SHROOM2: variants seen among roughly 807,000 people sequenced by gnomAD.
SHROOM2 encodes the protein shroom family member 2.
Under a neutral mutation model 75.9 loss-of-function variants are expected in SHROOM2, and 33 were observed. The observed-to-expected ratio is 0.43, with a 90% CI of 0.33 to 0.58. The LOEUF (loss-of-function observed/expected upper bound fraction) is 0.58, where lower values mean the gene tolerates loss of function less well. SHROOM2 is among the 20% of genes least tolerant of loss of function. The pLI, the probability that SHROOM2 is intolerant of heterozygous loss-of-function variation, is 0.04. For synonymous variants in SHROOM2, 655 were observed against 663.6 expected, an observed-to-expected ratio of 0.99 and a Z score of 0.20; for missense variants, 1,434 against 1,461.2, an observed-to-expected ratio of 0.98 and a Z score of 0.30.
At chrX:9,820,183 T>C (rs1330664402) in intron 1 of SHROOM2, among the ~76,000 whole-genome samples, 1 of 106,345 alleles carries the variant, frequency 9.4e-6, no homozygotes, top group African/African-American at 3.4e-5. Context: ...ATTTTTTTTT[T>C]TTTTGTAAAT....
intron 1 of SHROOM2, among the ~76,000 whole-genome samples, chrX:9,808,901 G>C (rs762986025): frequency 9.0e-6 from 1 of 110,705 alleles, no homozygotes; most frequent in Non-Finnish European, 1.9e-5. Context: ...TAATTCACAT[G>C]TCACAAAATT....
At chrX:9,831,552 G>T (rs1251229080) in intron 1 of SHROOM2, among the ~76,000 whole-genome samples, 1 of 112,347 alleles carries the variant, frequency 8.9e-6, no homozygotes, top group Admixed American at 9.4e-5. Context: ...CAGCTACTTG[G>T]GAGGCTGAGG....
rs1329898643 is a variant in SHROOM2 at position 9,786,456 on chromosome X, T to A, written c.-90T>A. On this transcript the variant is annotated 5_prime_UTR_variant, in exon 1 of 10. Transcript: ENST00000380913. Reference sequence around the variant, plus strand: ...TTTCTTTCCAAGTTACGGCGCAAGTTCTGCGGCGCTCGGAGCCTCCCTTGC... The same window carrying A: ...TTTCTTTCCAAGTTACGGCGCAAGTACTGCGGCGCTCGGAGCCTCCCTTGC... 6 of 705,788 alleles carry A rather than the reference T, an allele frequency of 8.5e-6. No individual in the cohort carries two copies. In the South Asian group the frequency reaches 4.4e-4, roughly 51 times the overall value. The allele number at this position is 705,788 out of a possible 1,213,427, so 58.2% of individuals were successfully genotyped here.
At position 9,894,726 on chromosome X, in the gene SHROOM2, C is replaced by T. The variant is rs1167778291; in HGVS notation, c.818C>T (p.Pro273Leu). Residue 273 changes from proline to leucine, a missense_variant, in exon 4 of 10, where the codon CCC becomes CTC. Around this residue, in one of 3 missense-constraint regions of SHROOM2, gnomAD observed 1,340 missense variants for 1,338.3 expected, o/e 1.00. Transcript: ENST00000380913. ...EKLSCFPPRV[P>L]GDSGKGPRPE... The stretch of plus-strand genomic sequence containing the variant: ...CTCAGTTGTTTCCCGCCCAGGGTCC[C>T]CGGTGACAGCGGCAAAGGCCCCAGG... 1 of 1,211,150 alleles carries T rather than the reference C, an allele frequency of 8.3e-7. No individual in the cohort carries two copies. The highest frequency in any genetic ancestry group is 2.3e-4 in the Middle Eastern group (1 of 4,351).
chrX:9,792,023 AT>A (rs1569132751), intron 1 of SHROOM2, among the ~76,000 whole-genome samples: 1,004 of 3,344 alleles, frequency 0.3, 87 homozygotes, highest in East Asian at 0.34. Context: ...ATAGAATAGA[AT>A]AGAATAGAAT....
intron 5 of SHROOM2, among the ~76,000 whole-genome samples, chrX:9,923,270 T>C (rs1423279992): frequency 1.8e-5 from 2 of 110,824 alleles, no homozygotes; most frequent in African/African-American, 6.6e-5. Flanking sequence ...AAGAAGCCTT[T>C]CTGGCTGGAG....
chrX:9,874,195 T>C lies in SHROOM2; in HGVS notation c.317+392T>C, dbSNP rs138191105. ...AGAAAGAGAGTGACTGTCACGAAGATGCCAGCCACCAAGGGTTTAGAGCAC... is the reference window on the plus strand; with the variant it reads ...AGAAAGAGAGTGACTGTCACGAAGACGCCAGCCACCAAGGGTTTAGAGCAC... On this transcript the variant is annotated intron_variant, in intron 2 of 9. Coordinates refer to ENST00000380913, the MANE Select transcript of SHROOM2 (RefSeq NM_001649.4). 9.8e-3 allele frequency among the ~76,000 whole-genome samples: 1,093 copies of C among 111,766 alleles called. 16 individuals carry two copies. The highest frequency in any genetic ancestry group is 0.034 in the African/African-American group (1,033 of 30,685).
At chrX:9,790,009 C>G (rs1012578426) in intron 1 of SHROOM2, among the ~76,000 whole-genome samples, 2 of 112,338 alleles carry the variant, frequency 1.8e-5, no homozygotes, top group African/African-American at 6.5e-5. Flanking sequence ...GGGCTTCAGA[C>G]TCTGAGAACA....
chrX:9,833,108 T>C (rs1269721295), intron 1 of SHROOM2, among the ~76,000 whole-genome samples: 1 of 111,190 alleles, frequency 9.0e-6, no homozygotes, highest in Non-Finnish European at 1.9e-5. Context: ...CCTGGGACTC[T>C]GTTGACTAGG....
intron 1 of SHROOM2, among the ~76,000 whole-genome samples, chrX:9,833,608 C>CTGTGTGTGTGTGTG (rs144161839): frequency 0.017 from 1,646 of 95,307 alleles, 31 homozygotes; most frequent in East Asian, 0.096. Context: ...CAAGTAGACT[C>CTGTGTGTGTGTGTG]TGTGTGTGTG....
Position 9,898,285 on chromosome X carries a change from G to A in SHROOM2, c.2886G>A (p.Thr962=), listed in dbSNP as rs751009884. The A allele has an allele frequency of 2.0e-5, 23 of 1,159,204 alleles. No individual in the cohort carries two copies. The Admixed American group carries it at 4.5e-4, about 23-fold the overall frequency. ...SAVRAEEGQS[T]PRQADAQCRE... ...TCCGGGCCGAGGAGGGACAGTCCACGCCGAGGTGGGTGAAATTTGGATTCA... is the reference window on the plus strand; with the variant it reads ...TCCGGGCCGAGGAGGGACAGTCCACACCGAGGTGGGTGAAATTTGGATTCA... Residue 962 remains threonine (T), a synonymous_variant, in exon 5 of 10, where the codon ACG becomes ACA. Transcript: ENST00000380913.
chrX:9,821,030 A>G (rs1253836381), intron 1 of SHROOM2, among the ~76,000 whole-genome samples: 4 of 112,077 alleles, frequency 3.6e-5, no homozygotes, highest in African/African-American at 9.7e-5. Flanking sequence ...TTTTCAAAGT[A>G]TGGTTCCCAG....
intron 1 of SHROOM2, among the ~76,000 whole-genome samples, chrX:9,792,034 T>G (rs1273589569): frequency 0.014 from 49 of 3,531 alleles, 6 homozygotes; most frequent in Admixed American, 0.062. Context: ...TAGAATAGAA[T>G]AGAATAGAAT....
chrX:9,837,542 G>A (rs769230231), intron 1 of SHROOM2, among the ~76,000 whole-genome samples: 2 of 112,486 alleles, frequency 1.8e-5, no homozygotes, highest in South Asian at 7.3e-4. Flanking sequence ...GCATGCGGAA[G>A]GAACATAGGG....
chrX:9,883,620 C>T (rs1192088213), intron 2 of SHROOM2, among the ~76,000 whole-genome samples: 1 of 109,985 alleles, frequency 9.1e-6, no homozygotes, highest in Non-Finnish European at 1.9e-5. Flanking sequence ...CATGGACTTC[C>T]TTTTGTGGAA....
intron 9 of SHROOM2, 43 bp from the exon 10 acceptor site, chrX:9,946,628 G>A (rs1234582565): frequency 3.4e-6 from 4 of 1,176,667 alleles, no homozygotes; most frequent in Admixed American, 2.3e-5. Context: ...CAGTGCCCCA[G>A]CTTTCATCCT....
At chrX:9,935,208 A>G (rs748859480) in intron 6 of SHROOM2, among the ~76,000 whole-genome samples, 237 of 111,545 alleles carry the variant, frequency 2.1e-3, no homozygotes, top group African/African-American at 6.8e-3. Context: ...GTAATAGGCA[A>G]GCAGAGCTTC....
rs201500406 is a variant in SHROOM2, at chrX:9,944,764, G to A, written c.4435G>A (p.Val1479Ile). The change falls in exon 9 of 10, where the codon GTC becomes ATC. Residue 1479 changes from valine to isoleucine, a missense_variant. Coordinates refer to ENST00000380913, the MANE Select transcript of SHROOM2 (RefSeq NM_001649.4). ...CGAGGTGGAGGCCATCGTGAAAGGC[G>A]TCTGCAAGCCCAGCGAGTTTGACAA... is the stretch of plus-strand genomic sequence containing the variant. ...GAEVEAIVKG[V>I]CKPSEFDKFR... The A allele has an allele frequency of 5.3e-5, 64 of 1,211,121 alleles. No individual in the cohort carries two copies. The highest frequency in any genetic ancestry group is 3.5e-5 in the South Asian group (2 of 56,889).
At chrX:9,863,765 G>A (rs2084117920) in intron 1 of SHROOM2, among the ~76,000 whole-genome samples, 1 of 109,963 alleles carries the variant, frequency 9.1e-6, no homozygotes, top group Admixed American at 9.7e-5. Flanking sequence ...GAGCTTTTTT[G>A]TATTGTATTA....
Sources: gnomAD v4.1 joint callset for allele counts (sites outside exome capture counted in the v4.1 genomes callset) on GRCh38, gnomAD v4.1.1 for gene constraint, gnomAD v4.1.1 regional missense constraint, MANE v1.5 for transcripts, NCBI Gene and HGNC (gene_info 2026-07-23, HGNC 2026-07-21) for gene names.